FRAS1: variants seen among roughly 807,000 people sequenced by gnomAD.
The protein encoded by FRAS1 is Fraser extracellular matrix complex subunit 1.
Under a neutral mutation model 435.2 loss-of-function variants are expected in FRAS1, and 290 were observed. That is an observed-to-expected ratio of 0.67 (90% CI 0.61 to 0.73). The LOEUF is 0.73. FRAS1 is among the 30% of genes least tolerant of loss of function. FRAS1 has a pLI of 0.00. For synonymous variants in FRAS1, 1,800 were observed against 1,851.0 expected, an observed-to-expected ratio of 0.97 and a Z score of 0.71; for missense variants, 4,860 against 5,001.5, an observed-to-expected ratio of 0.97 and a Z score of 0.85.
intron 5 of FRAS1, among the ~76,000 whole-genome samples, chr4:78,253,737 A>G: frequency 6.6e-6 from 1 of 152,136 alleles, no homozygotes; most frequent in East Asian, 1.9e-4. Flanking sequence ...CAAATTTGAG[A>G]TTCTGTGAGT....
In FRAS1 at chr4:78,511,298, C is replaced by A. The variant is rs778500294; in HGVS notation, c.9805C>A (p.Arg3269=). 6.2e-7 allele frequency: 1 copy of A among 1,603,110 alleles called. No individual in the cohort carries two copies. The highest frequency in any genetic ancestry group is 1.3e-5 in the African/African-American group (1 of 74,796). ...HMVLDSIYFS[R]RFHVRCVAKA... ...GGTCCTGGACAGCATTTACTTCAGC[C>A]GGAGGTTCCATGTGCGTTGTGTGGC... Residue 3269 remains arginine (R), a synonymous_variant, in exon 64 of 74, where the codon CGG becomes AGG. Coordinates refer to ENST00000512123, the MANE Select transcript of FRAS1 (RefSeq NM_025074.7).
chr4:78,457,079 C>T (rs1290356316), intron 47 of FRAS1, among the ~76,000 whole-genome samples: 7 of 152,162 alleles, frequency 4.6e-5, no homozygotes, highest in Admixed American at 3.3e-4. Flanking sequence ...TCCTCAAAGC[C>T]TAAAGTGACA....
chr4:78,330,579 C>T (rs112268217), intron 18 of FRAS1, among the ~76,000 whole-genome samples: 1,512 of 151,186 alleles, frequency 0.01, 15 homozygotes, highest in African/African-American at 0.036. Context: ...AGAGAATGCG[C>T]GCCTGGGGGG....
intron 2 of FRAS1, among the ~76,000 whole-genome samples, chr4:78,146,312 T>C (rs1238210662): frequency 1.3e-5 from 2 of 152,178 alleles, no homozygotes; most frequent in Non-Finnish European, 2.9e-5. Context: ...CAAAATAACA[T>C]GCTTACTTAT....
At chr4:78,423,458 T>G (rs1419081352) in intron 34 of FRAS1, among the ~76,000 whole-genome samples, 1 of 144,366 alleles carries the variant, frequency 6.9e-6, no homozygotes, top group Non-Finnish European at 1.5e-5. Flanking sequence ...CAGCCACTAG[T>G]GCTTATTTCT....
At chr4:78,254,310 C>G (rs1177011363) in intron 5 of FRAS1, among the ~76,000 whole-genome samples, 4 of 152,310 alleles carry the variant, frequency 2.6e-5, no homozygotes, top group African/African-American at 9.6e-5. Flanking sequence ...AAGGTACACT[C>G]TATTCTTGCT....
chr4:78,219,437 T>C, intron 2 of FRAS1, among the ~76,000 whole-genome samples: 1 of 152,332 alleles, frequency 6.6e-6, no homozygotes, highest in Middle Eastern at 3.4e-3. Flanking sequence ...TATTTCCTAA[T>C]TGCTTTTTCT....
At chr4:78,523,751 T>C (rs1721456876) in intron 69 of FRAS1, among the ~76,000 whole-genome samples, 1 of 152,214 alleles carries the variant, frequency 6.6e-6, no homozygotes, top group Non-Finnish European at 1.5e-5. Flanking sequence ...CTTCATGTTC[T>C]TTGTCCCAGT....
At chr4:78,533,789 C>T (rs375825062) in intron 70 of FRAS1, among the ~76,000 whole-genome samples, 1 of 152,134 alleles carries the variant, frequency 6.6e-6, no homozygotes, top group Non-Finnish European at 1.5e-5. Flanking sequence ...ATATGTGTTT[C>T]GGAGCTTAGA....
rs756177525 is a variant in FRAS1, at chr4:78,508,726, C to T, written c.9505-5C>T. The T allele has an allele frequency of 8.2e-5, 133 of 1,613,398 alleles. No individual in the cohort carries two copies. Among genetic ancestry groups the T allele is most frequent in the East Asian group, 1.1e-4 (5 of 44,864 alleles). ...CTGAACTGAAGCTTTGTTGCTCTTT[C>T]GCAGGTGGTCACACTTGCTGACTAT... On this transcript the variant is annotated splice_region_variant and splice_polypyrimidine_tract_variant and intron_variant, in intron 62 of 73. Coordinates refer to ENST00000512123, the MANE Select transcript of FRAS1 (RefSeq NM_025074.7).
chr4:78,532,317 T>A (rs1721740770), intron 70 of FRAS1, among the ~76,000 whole-genome samples: 1 of 152,212 alleles, frequency 6.6e-6, no homozygotes. Context: ...CATGTCTTAC[T>A]CCATTGCCTG....
intron 2 of FRAS1, chr4:78,068,592 T>A (rs1740174562): frequency 2.2e-6 from 1 of 456,100 alleles, no homozygotes; most frequent in Admixed American, 2.4e-5. Context: ...AGAGGAGGAA[T>A]GGCAACACTG....
At chr4:78,407,175 A>T (rs1452896545) in intron 30 of FRAS1, among the ~76,000 whole-genome samples, 3 of 152,228 alleles carry the variant, frequency 2.0e-5, no homozygotes, top group Non-Finnish European at 4.4e-5. Context: ...GATAAGAGAA[A>T]TTGAACCTGT....
intron 35 of FRAS1, among the ~76,000 whole-genome samples, chr4:78,426,470 C>T (rs1481994882): frequency 1.3e-5 from 2 of 151,836 alleles, no homozygotes; most frequent in South Asian, 4.2e-4. Context: ...AAAGCCATGT[C>T]GTTTTGGAGA....
At position 78,057,680 on chromosome 4, in the gene FRAS1, G is replaced by A; in HGVS notation, c.-330G>A. ...ATGCTGGAAGATCCCATCGGCCAGTGACCAGCAACTTTCCGGCGAGATTTT... is the reference window on the plus strand; with the variant it reads ...ATGCTGGAAGATCCCATCGGCCAGTAACCAGCAACTTTCCGGCGAGATTTT... On this transcript the variant is annotated 5_prime_UTR_variant, in exon 1 of 74. The change abolishes the stop of an existing upstream ORF in the 5' untranslated region. Transcript: ENST00000512123. The surrounding 1 kb of genome is among the most constrained non-coding windows in gnomAD (Gnocchi z 4.2). 1 of 404,012 alleles carries A rather than the reference G, an allele frequency of 2.5e-6. No individual in the cohort carries two copies. Among genetic ancestry groups the A allele is most frequent in the Non-Finnish European group, 4.5e-6 (1 of 223,562 alleles). The allele number at this position is 404,012 out of a possible 1,614,324, so 25.0% of individuals were successfully genotyped here.
At chr4:78,117,044 A>T (rs1464749451) in intron 2 of FRAS1, among the ~76,000 whole-genome samples, 1 of 152,158 alleles carries the variant, frequency 6.6e-6, no homozygotes, top group Non-Finnish European at 1.5e-5. Flanking sequence ...AAAATCTCTC[A>T]GCATTTGTTT....
chr4:78,111,752 TAAAAAA>T lies in FRAS1; in HGVS notation c.108+45753_108+45758del, dbSNP rs564909222. ...ATGTACCCTAAAACTTAGAGTATAATAAAAAAAAAAAAAAAAAAAAAAGATGAGGTT... is the reference window on the plus strand; with the variant it reads ...ATGTACCCTAAAACTTAGAGTATAATAAAAAAAAAAAAAAAAGATGAGGTT... On this transcript the variant is annotated intron_variant, in intron 2 of 73. Transcript: ENST00000512123. Among the ~76,000 whole-genome samples the T allele has an allele frequency of 8.6e-3, 905 of 105,084 alleles. 10 individuals carry two copies. The highest frequency in any genetic ancestry group is 0.026 in the African/African-American group (729 of 28,036). 68.9% of individuals were successfully genotyped at this position (105,084 alleles called of 152,430 possible).
intron 2 of FRAS1, among the ~76,000 whole-genome samples, chr4:78,104,471 A>G (rs1742289387): frequency 3.3e-5 from 5 of 152,234 alleles, no homozygotes; most frequent in Admixed American, 3.3e-4. Flanking sequence ...CACTGATCTT[A>G]TCTGTATACA....
At chr4:78,386,718 T>G (rs869349) in intron 28 of FRAS1, among the ~76,000 whole-genome samples, 69,731 of 151,944 alleles carry the variant, frequency 0.46, 17,294 homozygotes, top group African/African-American at 0.66. Context: ...CTTTATGAAA[T>G]AACATTTTAT....
Sources: gnomAD v4.1 joint callset for allele counts (sites outside exome capture counted in the v4.1 genomes callset) on GRCh38, gnomAD v4.1.1 for gene constraint, Gnocchi (gnomAD v3.1) non-coding constraint, MANE v1.5 for transcripts, NCBI Gene and HGNC (gene_info 2026-07-23, HGNC 2026-07-21) for gene names.